The following TRAF3IP2 variants were observed in gnomAD, a reference collection of about 807,000 sequenced individuals.
TRAF3IP2 encodes TRAF3 interacting protein 2, also known as E3 ubiquitin ligase TRAF3IP2.
A neutral mutation model predicts 57.9 loss-of-function variants in TRAF3IP2; 35 were observed. The ratio of observed to expected loss-of-function variants is 0.60; its 90% CI spans 0.46 to 0.80. The LOEUF is 0.80. Ranked by LOEUF, TRAF3IP2 falls within the 30% of genes least tolerant of loss-of-function variation. The probability of loss-of-function intolerance (pLI) is 0.00; values close to 1 mark genes in which losing one functional copy is unlikely to be tolerated. For synonymous variants in TRAF3IP2, 251 were observed against 268.9 expected, an observed-to-expected ratio of 0.93 and a Z score of 0.65; for missense variants, 556 against 706.4, an observed-to-expected ratio of 0.79 and a Z score of 2.41.
intron 2 of TRAF3IP2, among the ~76,000 whole-genome samples, chr6:111,583,706 G>T (rs1796235284): frequency 6.6e-6 from 1 of 152,154 alleles, no homozygotes; most frequent in South Asian, 2.1e-4. Context: ...AACAATAATA[G>T]AAATAAAGTG....
rs1795238723 is a variant in TRAF3IP2 at position 111,556,236 on chromosome 6, G to A, written c.*3169C>T. On this transcript the variant is annotated 3_prime_UTR_variant, in exon 9 of 9. Coordinates refer to ENST00000368761, the MANE Select transcript of TRAF3IP2 (RefSeq NM_147686.4). ...TGCGTGTGTGTGTGTGTGTCTGTGT[G>A]TACTTTTTGGTTTGTTTTTTTGCTA... Among the ~76,000 whole-genome samples the A allele has an allele frequency of 6.6e-6, 1 of 151,978 alleles. No homozygotes were observed. The highest frequency in any genetic ancestry group is 6.6e-5 in the Admixed American group (1 of 15,244).
intron 4 of TRAF3IP2, among the ~76,000 whole-genome samples, chr6:111,574,391 G>T (rs1257459357): frequency 6.6e-6 from 1 of 152,196 alleles, no homozygotes; most frequent in Admixed American, 6.5e-5. Context: ...ACAAGTAGTG[G>T]CTGTTTTCTT....
chr6:111,565,628 G>A (rs756613201), intron 7 of TRAF3IP2, among the ~76,000 whole-genome samples: 3 of 152,136 alleles, frequency 2.0e-5, no homozygotes, highest in East Asian at 1.9e-4. Flanking sequence ...GTCTCACAGC[G>A]TCTCTATAAT....
intron 1 of TRAF3IP2, among the ~76,000 whole-genome samples, chr6:111,596,182 CTT>C (rs750585405): frequency 6.6e-6 from 1 of 152,320 alleles, no homozygotes; most frequent in South Asian, 2.1e-4. Flanking sequence ...TTATTACTGT[CTT>C]ATATATTACC....
intron 2 of TRAF3IP2, among the ~76,000 whole-genome samples, chr6:111,582,145 G>A (rs1796187851): frequency 6.6e-6 from 1 of 152,212 alleles, no homozygotes; most frequent in South Asian, 2.1e-4. Flanking sequence ...CCTAGACTCA[G>A]GAAACTGTTT....
At chr6:111,561,548 G>A (rs1013506179) in intron 8 of TRAF3IP2, among the ~76,000 whole-genome samples, 2 of 152,140 alleles carry the variant, frequency 1.3e-5, no homozygotes, top group East Asian at 1.9e-4. Context: ...GCAAGCAGAC[G>A]GAACAGAAAA....
At chr6:111,598,126 C>T (rs1299198782) in intron 1 of TRAF3IP2, 1 of 322,698 alleles carries the variant, frequency 3.1e-6, no homozygotes. Flanking sequence ...CTCTCTGAGG[C>T]TCCCAATACA....
intron 2 of TRAF3IP2, among the ~76,000 whole-genome samples, chr6:111,589,519 TCCA>T (rs1796443221): frequency 6.6e-6 from 1 of 152,190 alleles, no homozygotes; most frequent in South Asian, 2.1e-4. Flanking sequence ...CTTAAGGGAA[TCCA>T]CCACCACACC....
At position 111,559,330 on chromosome 6, in the gene TRAF3IP2, C is replaced by A; in HGVS notation, c.*75G>T. 3 of 1,549,722 alleles carry A rather than the reference C, an allele frequency of 1.9e-6. No individual in the cohort carries two copies. The highest frequency in any genetic ancestry group is 2.3e-5 in the East Asian group (1 of 44,374). ...AAAAACCAGCCAGGAGTGCTACCGA[C>A]CAGCCTCAGCCAGAATGCTGTCAGA... On this transcript the variant is annotated 3_prime_UTR_variant, in exon 9 of 9. Transcript: ENST00000368761.
At chr6:111,580,023 C>T (rs1796106454) in intron 3 of TRAF3IP2, among the ~76,000 whole-genome samples, 174 bp downstream of exon 3, 1 of 152,116 alleles carries the variant, frequency 6.6e-6, no homozygotes, top group South Asian at 2.1e-4. Flanking sequence ...AGATCCTTGT[C>T]AACCAGCTTC....
chr6:111,579,693 C>T (rs963629735), intron 3 of TRAF3IP2, among the ~76,000 whole-genome samples: 1 of 152,302 alleles, frequency 6.6e-6, no homozygotes, highest in South Asian at 2.1e-4. Context: ...GTTTGCACCA[C>T]TGCACTCCAG....
At chr6:111,589,145 C>T (rs1237826054) in intron 2 of TRAF3IP2, among the ~76,000 whole-genome samples, 1 of 146,780 alleles carries the variant, frequency 6.8e-6, no homozygotes, top group Admixed American at 7.0e-5. Context: ...ACTGTAACCT[C>T]TGCCTCCCAG....
At chr6:111,567,436 A>G (rs1168190078) in intron 6 of TRAF3IP2, 188 bp downstream of exon 6, 37 of 1,321,140 alleles carry the variant, frequency 2.8e-5, no homozygotes, top group Non-Finnish European at 1.6e-5. Context: ...CTGCCTGTGC[A>G]TGTCCAAGAG....
At chr6:111,559,672 C>G in intron 8 of TRAF3IP2, 121 bp from the exon 9 acceptor site, 3 of 1,182,662 alleles carry the variant, frequency 2.5e-6, no homozygotes, top group Non-Finnish European at 2.4e-6. Context: ...CCAAACTATC[C>G]TGGGAGTTGT....
At chr6:111,571,292 G>A (rs1795824219) in intron 5 of TRAF3IP2, among the ~76,000 whole-genome samples, 1 of 152,098 alleles carries the variant, frequency 6.6e-6, no homozygotes, top group Non-Finnish European at 1.5e-5. Context: ...TGTCCAGGCT[G>A]GTCTTGAACT....
At chr6:111,593,148 C>G (rs551300575) in intron 1 of TRAF3IP2, among the ~76,000 whole-genome samples, 11 of 152,296 alleles carry the variant, frequency 7.2e-5, no homozygotes, top group African/African-American at 2.6e-4. Flanking sequence ...TTGCAGGAGG[C>G]TGCAGAGCAG....
intron 2 of TRAF3IP2, among the ~76,000 whole-genome samples, chr6:111,586,162 A>T (rs985575771): frequency 6.6e-6 from 1 of 151,226 alleles, no homozygotes; most frequent in South Asian, 2.1e-4. Context: ...CTGAAAGGCA[A>T]CTCCTTCTTT....
chr6:111,567,197 C>G, intron 6 of TRAF3IP2: 1 of 1,001,672 alleles, frequency 1.0e-6, no homozygotes, highest in Non-Finnish European at 1.2e-6. Flanking sequence ...GAACAAATCA[C>G]GGGGCTGCAC....
intron 2 of TRAF3IP2, among the ~76,000 whole-genome samples, chr6:111,585,186 C>T (rs1437923970): frequency 6.6e-6 from 1 of 152,206 alleles, no homozygotes; most frequent in Non-Finnish European, 1.5e-5. Flanking sequence ...CTGTTTCTGA[C>T]TTCTACTTCT....
Sources: allele counts gnomAD v4.1 joint callset (sites outside exome capture counted in the v4.1 genomes callset), GRCh38; gene constraint gnomAD v4.1.1; transcripts MANE v1.5; gene names NCBI Gene and HGNC (gene_info 2026-07-23, HGNC 2026-07-21).